The following ETFA variants were observed in gnomAD, a reference collection of about 807,000 sequenced individuals.
ETFA encodes the protein electron transfer flavoprotein subunit alpha.
Under a neutral mutation model 46.2 loss-of-function variants are expected in ETFA, and 22 were observed. The observed-to-expected ratio is 0.48, with a 90% CI of 0.34 to 0.68. The LOEUF (loss-of-function observed/expected upper bound fraction) is 0.68, where lower values mean the gene tolerates loss of function less well. Ranked by LOEUF, ETFA falls within the 30% of genes least tolerant of loss-of-function variation. The pLI, the probability that ETFA is intolerant of heterozygous loss-of-function variation, is 0.01. For synonymous variants in ETFA, 131 were observed against 139.9 expected (o/e 0.94, Z 0.45); for missense variants, 345 against 401.1 (o/e 0.86, Z 1.19).
At chr15:76,282,319 T>A (rs1219403448) in intron 8 of ETFA, among the ~76,000 whole-genome samples, 1 of 151,656 alleles carries the variant, frequency 6.6e-6, no homozygotes, top group Non-Finnish European at 1.5e-5. Context: ...GATATCAGAG[T>A]AGCCACCAGA....
intron 9 of ETFA, chr15:76,259,370 A>G: frequency 1.9e-6 from 3 of 1,578,226 alleles, no homozygotes; most frequent in South Asian, 1.1e-5. Flanking sequence ...GGTACATGAG[A>G]TCATACAAAA....
chr15:76,309,970 G>A (rs1296241877), intron 1 of ETFA: 2 of 152,730 alleles, frequency 1.3e-5, no homozygotes, highest in Non-Finnish European at 2.9e-5. Flanking sequence ...GGTAGCTCAG[G>A]CCTGTAATTC....
At chr15:76,302,580 A>G (rs1001372668) in intron 1 of ETFA, among the ~76,000 whole-genome samples, 1 of 152,004 alleles carries the variant, frequency 6.6e-6, no homozygotes, top group African/African-American at 2.4e-5. Flanking sequence ...ACTATTCTGT[A>G]TGATATAATA....
chr15:76,237,561 C>T (rs571350640), intron 9 of ETFA, among the ~76,000 whole-genome samples: 1 of 152,194 alleles, frequency 6.6e-6, no homozygotes, highest in Admixed American at 6.5e-5. Context: ...GCAAATTATT[C>T]AATCTCTCAA....
intron 8 of ETFA, among the ~76,000 whole-genome samples, chr15:76,277,666 C>G (rs1858218897): frequency 6.6e-6 from 1 of 152,184 alleles, no homozygotes; most frequent in South Asian, 2.1e-4. Context: ...CCACGCCCAA[C>G]TAATTTTTGT....
intron 1 of ETFA, among the ~76,000 whole-genome samples, chr15:76,309,262 A>G (rs2039966116): frequency 6.6e-6 from 1 of 152,230 alleles, no homozygotes. Flanking sequence ...ATACCGGCTA[A>G]CACAGTGAAA....
chr15:76,285,730 T>G lies in ETFA; in HGVS notation c.571A>C (p.Thr191Pro), dbSNP rs754491703. ...CACTCTGATATTTCCACTGGTGAAG[T>G]ACTTGATGCTGCATACATTAATACA... ...GSASSEKASS[T>P]SPVEISEWLD... The change falls in exon 7 of 12, where the codon ACT (threonine) becomes CCT (proline). Residue 191 changes from threonine (T) to proline (P), a missense_variant. Transcript: ENST00000557943. 6.3e-7 allele frequency: 1 copy of G among 1,581,220 alleles called. No homozygotes were observed. The highest frequency in any genetic ancestry group is 1.1e-5 in the South Asian group (1 of 90,412).
At chr15:76,280,081 T>C (rs1289232769) in intron 8 of ETFA, among the ~76,000 whole-genome samples, 2 of 152,014 alleles carry the variant, frequency 1.3e-5, no homozygotes. Flanking sequence ...TCTTTTTTTA[T>C]CTACACTCCC....
intron 8 of ETFA, among the ~76,000 whole-genome samples, chr15:76,279,890 T>TC (rs1316774687): frequency 6.6e-6 from 1 of 151,972 alleles, no homozygotes; most frequent in African/African-American, 2.4e-5. Context: ...CCTGAGTTTT[T>TC]TTTTTTTTTC....
chr15:76,260,917 G>GT (rs1389346822), intron 9 of ETFA: 1 of 1,611,790 alleles, frequency 6.2e-7, no homozygotes, highest in African/African-American at 1.3e-5. Flanking sequence ...CCTGGGGCCT[G>GT]TGTCACCTGA....
intron 9 of ETFA, among the ~76,000 whole-genome samples, chr15:76,243,420 TATTAAAAATTATTTAC>T (rs1195926444): frequency 6.7e-6 from 1 of 149,388 alleles, no homozygotes; most frequent in Non-Finnish European, 1.5e-5. Flanking sequence ...TTGTGGTAAT[TATTAAAAATTATTTAC>T]ATTAAAAATA....
chr15:76,285,287 A>G lies in ETFA; in HGVS notation c.664+350T>C, dbSNP rs150006940. 4.9e-3 allele frequency among the ~76,000 whole-genome samples: 745 copies of G among 152,364 alleles called. 6 individuals carry two copies. The highest frequency in any genetic ancestry group is 0.014 in the Middle Eastern group (4 of 294). On this transcript the variant is annotated intron_variant, in intron 7 of 11. Coordinates refer to ENST00000557943, the MANE Select transcript of ETFA (RefSeq NM_000126.4). ...GAAAGAAGGGTAGGAATTATACACA[A>G]GATGGCCCTGAAATTCAAGCCAGTT...
intron 9 of ETFA, among the ~76,000 whole-genome samples, chr15:76,240,626 A>G (rs1472493194): frequency 2.6e-5 from 4 of 152,254 alleles, no homozygotes. Flanking sequence ...ATTTAAATGT[A>G]AATCAGAAAA....
chr15:76,287,105 C>A (rs560251270), intron 5 of ETFA, among the ~76,000 whole-genome samples: 3 of 152,148 alleles, frequency 2.0e-5, no homozygotes, highest in African/African-American at 4.8e-5. Context: ...CTGCCTTCTC[C>A]GACCCCACTA....
At chr15:76,308,644 A>G (rs2039959834) in intron 1 of ETFA, among the ~76,000 whole-genome samples, 1 of 152,252 alleles carries the variant, frequency 6.6e-6, no homozygotes, top group South Asian at 2.1e-4. Flanking sequence ...AACAGAGTAA[A>G]GAGACATGAA....
At chr15:76,292,042 C>T (rs2039769567) in intron 4 of ETFA, among the ~76,000 whole-genome samples, 2 of 152,136 alleles carry the variant, frequency 1.3e-5, no homozygotes, top group African/African-American at 4.8e-5. Flanking sequence ...TTCCAAATTC[C>T]CTACGTAGAT....
chr15:76,280,917 C>CT (rs35907442), intron 8 of ETFA, among the ~76,000 whole-genome samples: 77,233 of 102,030 alleles, frequency 0.76, 32,064 homozygotes, highest in East Asian at 0.9. Flanking sequence ...GTTCAGATGT[C>CT]TTTTTTTTTT....
chr15:76,283,697 T>A, intron 8 of ETFA, 60 bp downstream of exon 8: 1 of 1,141,130 alleles, frequency 8.8e-7, no homozygotes, highest in Non-Finnish European at 1.3e-6. Context: ...AATGAAATAA[T>A]GAAGAAAAAA....
intron 10 of ETFA, 187 bp from the exon 11 acceptor site, chr15:76,226,116 A>G: frequency 1.7e-6 from 1 of 582,356 alleles, no homozygotes; most frequent in Non-Finnish European, 3.0e-6. Flanking sequence ...ATTCTCTCTT[A>G]CCCACATCTA....
Sources: gnomAD v4.1 joint callset for allele counts (sites outside exome capture counted in the v4.1 genomes callset) on GRCh38, gnomAD v4.1.1 for gene constraint, MANE v1.5 for transcripts, NCBI Gene and HGNC (gene_info 2026-07-23, HGNC 2026-07-21) for gene names.